EYS: variants seen among roughly 807,000 people sequenced by gnomAD.
EYS encodes protein eyes shut homolog.
Under a neutral mutation model 282.1 loss-of-function variants are expected in EYS, and 250 were observed. The ratio of observed to expected loss-of-function variants is 0.89; its 90% confidence interval spans 0.80 to 0.98. The LOEUF (loss-of-function observed/expected upper bound fraction) is 0.98. EYS is among the 50% of genes least tolerant of loss of function. EYS has a pLI of 0.00. For missense variants in EYS, 4,016 were observed against 3,709.0 expected (o/e 1.08, Z -2.15); for synonymous variants, 1,355 against 1,282.9 (o/e 1.06, Z -1.20).
chr6:64,499,896 C>T (rs1046092822), intron 26 of EYS, among the ~76,000 whole-genome samples: 30 of 152,150 alleles, frequency 2.0e-4, no homozygotes, highest in African/African-American at 6.5e-4. Flanking sequence ...ATTGAAGAGG[C>T]CTTTGGAAAG....
Position 63,907,971 on chromosome 6 carries a change from A to G in EYS, c.7056-43613T>C, listed in dbSNP as rs1233261046. Among the ~76,000 whole-genome samples, 4 of 148,254 alleles carry G rather than the reference A, an allele frequency of 2.7e-5. 1 individual carries two copies. Among genetic ancestry groups the G allele is most frequent in the Middle Eastern group, 6.4e-3 (2 of 314 alleles). Reference sequence around the variant, plus strand: ...TCATTCTTTTTTATGCCTGAATAGTATTGACTGTATATATGTACACACACA... The same window carrying G: ...TCATTCTTTTTTATGCCTGAATAGTGTTGACTGTATATATGTACACACACA... On this transcript the variant is annotated intron_variant, in intron 35 of 42. Coordinates refer to ENST00000503581, the MANE Select transcript of EYS (RefSeq NM_001142800.2).
chr6:63,798,416 A>G (rs1770697698), intron 37 of EYS, among the ~76,000 whole-genome samples: 1 of 152,236 alleles, frequency 6.6e-6, no homozygotes, highest in Non-Finnish European at 1.5e-5. Flanking sequence ...GAAAATTCTC[A>G]TGATTTCTAG....
intron 12 of EYS, among the ~76,000 whole-genome samples, chr6:65,216,520 G>A (rs1315809828): frequency 6.6e-6 from 1 of 151,698 alleles, no homozygotes; most frequent in Non-Finnish European, 1.5e-5. Flanking sequence ...TGTGAATTTT[G>A]AAACATTGTG....
At chr6:64,303,551 G>A (rs1006344811) in intron 30 of EYS, among the ~76,000 whole-genome samples, 55 of 152,106 alleles carry the variant, frequency 3.6e-4, no homozygotes, top group African/African-American at 1.3e-3. Flanking sequence ...TTTTGTAAAA[G>A]CCTTAGGATA....
chr6:64,341,507 A>G (rs1771111504), intron 29 of EYS, among the ~76,000 whole-genome samples: 2 of 151,784 alleles, frequency 1.3e-5, no homozygotes, highest in Admixed American at 6.6e-5. Flanking sequence ...AACCATGGAC[A>G]TAAATATGAG....
chr6:64,108,012 A>T (rs958716653), intron 31 of EYS, among the ~76,000 whole-genome samples: 5 of 152,114 alleles, frequency 3.3e-5, no homozygotes, highest in African/African-American at 1.2e-4. Flanking sequence ...TTAGGTTCTG[A>T]TAAAACAGTT....
At chr6:64,106,652 G>T (rs908573554) in intron 31 of EYS, among the ~76,000 whole-genome samples, 14 of 151,924 alleles carry the variant, frequency 9.2e-5, no homozygotes, top group Non-Finnish European at 1.8e-4. Context: ...GTGTCTGTGT[G>T]TGTGTTTTTG....
chr6:64,595,553 C>CA (rs1766559303), intron 24 of EYS, among the ~76,000 whole-genome samples: 1 of 152,104 alleles, frequency 6.6e-6, no homozygotes, highest in South Asian at 2.1e-4. Flanking sequence ...GACTCCACCA[C>CA]AAAATCTCTT....
At chr6:65,432,403 T>C (rs1767919884) in intron 5 of EYS, among the ~76,000 whole-genome samples, 1 of 152,178 alleles carries the variant, frequency 6.6e-6, no homozygotes, top group African/African-American at 2.4e-5. Flanking sequence ...CCTATGATTA[T>C]GTAATAACCA....
rs184256851 is a variant in EYS, at chr6:64,076,694, G to A, written c.6571+5162C>T. On this transcript the variant is annotated intron_variant, in intron 32 of 42. Transcript: ENST00000503581. Reference sequence around the variant, plus strand: ...ATGATTGTGAGACCTCCCCAGCCCCGTGGAACTGTGAGTCCATTAAACCTC... The same window carrying A: ...ATGATTGTGAGACCTCCCCAGCCCCATGGAACTGTGAGTCCATTAAACCTC... Among the ~76,000 whole-genome samples, 223 of 151,972 alleles carry A rather than the reference G, an allele frequency of 1.5e-3. 3 individuals are homozygous for A. Among genetic ancestry groups the A allele is most frequent in the African/African-American group, 5.1e-3 (213 of 41,478 alleles).
At chr6:65,581,049 T>C (rs1199017485) in intron 2 of EYS, among the ~76,000 whole-genome samples, 5 of 152,142 alleles carry the variant, frequency 3.3e-5, no homozygotes, top group African/African-American at 4.8e-5. Flanking sequence ...AGTGAATTTC[T>C]CATAATGGAT....
At chr6:64,598,711 G>T (rs890726116) in intron 24 of EYS, among the ~76,000 whole-genome samples, 4 of 152,104 alleles carry the variant, frequency 2.6e-5, no homozygotes, top group African/African-American at 9.7e-5. Flanking sequence ...AGTAACTGTT[G>T]TAATTGTTGG....
At position 65,640,374 on chromosome 6, in the gene EYS, G is replaced by T. The variant is rs142005117; in HGVS notation, c.-447-482C>A. On this transcript the variant is annotated intron_variant, in intron 1 of 42. Coordinates refer to ENST00000503581, the MANE Select transcript of EYS (RefSeq NM_001142800.2). ...ATTTTCATAGTGATGGTTTTCATGA[G>T]AGTATCTCTAAATGAATTTCAAAAA... is the stretch of plus-strand genomic sequence containing the variant. 1.5e-3 allele frequency among the ~76,000 whole-genome samples: 227 copies of T among 152,192 alleles called. 1 individual carries two copies. Among genetic ancestry groups the T allele is most frequent in the South Asian group, 5.6e-3 (27 of 4,818 alleles).
At chr6:64,745,714 C>T (rs1772537575) in intron 22 of EYS, among the ~76,000 whole-genome samples, 1 of 152,078 alleles carries the variant, frequency 6.6e-6, no homozygotes, top group African/African-American at 2.4e-5. Context: ...TCCAAAAATC[C>T]AGAAGGGGAA....
intron 2 of EYS, among the ~76,000 whole-genome samples, chr6:65,630,045 C>G (rs1766858673): frequency 6.6e-6 from 1 of 152,124 alleles, no homozygotes; most frequent in Non-Finnish European, 1.5e-5. Flanking sequence ...GATTGCTAAT[C>G]CTAGGAAGTG....
chr6:64,559,271 A>G (rs920968245), intron 26 of EYS, among the ~76,000 whole-genome samples: 2,612 of 142,320 alleles, frequency 0.018, 40 homozygotes, highest in Non-Finnish European at 0.024. Context: ...GTGTGTGTGC[A>G]TGTGTGTGTG....
intron 15 of EYS, among the ~76,000 whole-genome samples, chr6:64,937,041 T>C (rs1768931052): frequency 6.6e-6 from 1 of 151,426 alleles, no homozygotes; most frequent in Non-Finnish European, 1.5e-5. Flanking sequence ...TAATTTAATA[T>C]GGAAAGAATA....
chr6:65,593,139 G>C (rs1355134190), intron 2 of EYS, among the ~76,000 whole-genome samples: 2 of 151,954 alleles, frequency 1.3e-5, no homozygotes, highest in South Asian at 2.1e-4. Flanking sequence ...AACCATTAAA[G>C]ATGCACCTTA....
intron 30 of EYS, among the ~76,000 whole-genome samples, chr6:64,297,551 G>C (rs752800033): frequency 6.6e-6 from 1 of 152,064 alleles, no homozygotes; most frequent in Non-Finnish European, 1.5e-5. Context: ...CACATACAAG[G>C]ATCCCAATAA....
Sources: allele counts gnomAD v4.1 joint callset (sites outside exome capture counted in the v4.1 genomes callset), GRCh38; gene constraint gnomAD v4.1.1; transcripts MANE v1.5; gene names NCBI Gene and HGNC (gene_info 2026-07-23, HGNC 2026-07-21).